The following MAGI1 variants were observed in gnomAD, a reference collection of about 807,000 sequenced individuals.
MAGI1 encodes the protein membrane-associated guanylate kinase, WW and PDZ domain-containing protein 1.
MAGI1 carries 58 observed loss-of-function variants against 139.9 expected under a neutral mutation model. The observed-to-expected ratio is 0.41, with a 90% CI of 0.34 to 0.52. The LOEUF (loss-of-function observed/expected upper bound fraction) is 0.52, where lower values mean the gene tolerates loss of function less well. MAGI1 is among the 20% of genes least tolerant of loss of function. The probability of loss-of-function intolerance (pLI) is 0.12; values close to 1 mark genes in which losing one functional copy is unlikely to be tolerated. For missense variants in MAGI1, 1,874 were observed against 1,901.6 expected, an observed-to-expected ratio of 0.99 and a Z score of 0.27; for synonymous variants, 812 against 737.9, an observed-to-expected ratio of 1.10 and a Z score of -1.63.
intron 1 of MAGI1, among the ~76,000 whole-genome samples, chr3:65,664,020 AT>A (rs1449868205): frequency 6.6e-6 from 1 of 152,198 alleles, no homozygotes; most frequent in East Asian, 1.9e-4. Flanking sequence ...AAGAAATAAT[AT>A]GTTCATTATG....
intron 1 of MAGI1, among the ~76,000 whole-genome samples, chr3:65,680,695 G>T (rs2087523956): frequency 6.6e-6 from 1 of 152,110 alleles, no homozygotes; most frequent in Non-Finnish European, 1.5e-5. Context: ...TGCTAGGATT[G>T]CAGGAGTGAG....
intron 14 of MAGI1, among the ~76,000 whole-genome samples, chr3:65,384,340 G>A (rs929300064): frequency 1.5e-4 from 23 of 152,266 alleles, no homozygotes; most frequent in East Asian, 3.9e-4. Context: ...TGATGAATAC[G>A]TACAGATTTT....
intron 2 of MAGI1, among the ~76,000 whole-genome samples, chr3:65,536,449 T>G (rs2078961526): frequency 6.6e-6 from 1 of 152,172 alleles, no homozygotes; most frequent in Admixed American, 6.5e-5. Context: ...TAATGAGCAT[T>G]CTGGCTGGCT....
chr3:65,783,191 A>T (rs1048418794), intron 1 of MAGI1, among the ~76,000 whole-genome samples: 1 of 152,172 alleles, frequency 6.6e-6, no homozygotes, highest in African/African-American at 2.4e-5. Context: ...TTCAACAACA[A>T]AAAGAAAGAA....
intron 2 of MAGI1, among the ~76,000 whole-genome samples, chr3:65,530,441 C>A (rs2078590290): frequency 1.3e-5 from 2 of 151,642 alleles, no homozygotes; most frequent in Non-Finnish European, 2.9e-5. Context: ...TAATGAGACC[C>A]CGTCTCTACA....
At chr3:65,426,298 G>A (rs1023253337) in intron 12 of MAGI1, among the ~76,000 whole-genome samples, 27 of 152,276 alleles carry the variant, frequency 1.8e-4, no homozygotes, top group African/African-American at 5.3e-4. Flanking sequence ...CCTTCAGCTC[G>A]ATTTCCAGAT....
intron 2 of MAGI1, among the ~76,000 whole-genome samples, chr3:65,554,978 A>C (rs1359719189): frequency 6.6e-6 from 1 of 152,186 alleles, no homozygotes; most frequent in African/African-American, 2.4e-5. Context: ...AGTACTGTAC[A>C]TGTTAATAGT....
At chr3:65,391,523 C>G (rs1049649749) in intron 13 of MAGI1, among the ~76,000 whole-genome samples, 165 bp from the exon 14 acceptor site, 4 of 152,114 alleles carry the variant, frequency 2.6e-5, no homozygotes, top group African/African-American at 9.7e-5. Flanking sequence ...GTAGATAAAT[C>G]CCCAGGTGAC....
intron 2 of MAGI1, among the ~76,000 whole-genome samples, chr3:65,580,497 A>G (rs1349227513): frequency 6.6e-6 from 1 of 152,228 alleles, no homozygotes; most frequent in Admixed American, 6.5e-5. Flanking sequence ...CAACTTTTGC[A>G]GAATAAAAAG....
rs541461056 is a variant in MAGI1 at position 65,846,991 on chromosome 3, A to C, written c.313+191005T>G. 1.7e-3 allele frequency among the ~76,000 whole-genome samples: 258 copies of C among 151,424 alleles called. 1 individual carries two copies. The highest frequency in any genetic ancestry group is 3.0e-3 in the Non-Finnish European group (203 of 67,840). On this transcript the variant is annotated intron_variant, in intron 1 of 22. Transcript: ENST00000402939. Reference sequence around the variant, plus strand: ...CAATGTCTTACAAAAAAAAAAAAAAAAAAAACCCTAAGCACATTTGTTTAT... The same window carrying C: ...CAATGTCTTACAAAAAAAAAAAAAACAAAAACCCTAAGCACATTTGTTTAT...
chr3:65,564,438 CAA>C (rs1287581018), intron 2 of MAGI1, among the ~76,000 whole-genome samples: 2 of 151,938 alleles, frequency 1.3e-5, no homozygotes, highest in African/African-American at 4.8e-5. Flanking sequence ...CTAGCCAAGG[CAA>C]AGAGACAATG....
intron 1 of MAGI1, among the ~76,000 whole-genome samples, chr3:65,935,780 C>T (rs2063022107): frequency 6.6e-6 from 1 of 152,204 alleles, no homozygotes; most frequent in African/African-American, 2.4e-5. Flanking sequence ...TTTTGAAATG[C>T]TGCCCTGAAA....
chr3:65,851,610 G>A (rs562995249), intron 1 of MAGI1, among the ~76,000 whole-genome samples: 15 of 152,120 alleles, frequency 9.9e-5, no homozygotes, highest in South Asian at 2.1e-4. Context: ...TTAGCCAGGC[G>A]TGGTGGCATA....
intron 2 of MAGI1, among the ~76,000 whole-genome samples, chr3:65,552,256 A>AGG (rs1314105075): frequency 1.1e-4 from 13 of 113,274 alleles, no homozygotes; most frequent in Admixed American, 4.0e-4. Flanking sequence ...GAGTGTGTAT[A>AGG]GGGGTGTGTG....
intron 1 of MAGI1, among the ~76,000 whole-genome samples, chr3:65,956,933 G>C (rs1221198963): frequency 1.3e-5 from 2 of 152,018 alleles, no homozygotes; most frequent in African/African-American, 4.8e-5. Context: ...ACCGTGGAGG[G>C]AGAAGCTGCA....
chr3:65,796,005 C>T (rs1315429406), intron 1 of MAGI1, among the ~76,000 whole-genome samples: 2 of 145,272 alleles, frequency 1.4e-5, no homozygotes, highest in African/African-American at 2.6e-5. Context: ...GAGCAGAGAT[C>T]GTGCCACTGC....
At position 65,442,805 on chromosome 3, in the gene MAGI1, T is replaced by C. The variant is rs141859891; in HGVS notation, c.1123A>G (p.Ile375Val). ...WEKIEDPVYG[I>V]YYVDHINRKT... is the part of the protein sequence containing the mutation. ...ATGGGCACTTACTCTACATAGTAGA[T>C]ACCATAGACAGGGTCTTCAATCTTT... is the stretch of plus-strand genomic sequence containing the variant. Residue 375 changes from isoleucine to valine, a missense_variant, in exon 8 of 23, where the codon ATC (isoleucine) becomes GTC (valine). Physicochemically the swap from Ile to Val is conservative, Grantham distance 29. Transcript: ENST00000402939. The C allele has an allele frequency of 2.3e-4, 370 of 1,612,788 alleles. 1 individual carries two copies. The Middle Eastern group carries it at 9.9e-3, about 43-fold the overall frequency.
chr3:65,512,314 A>ACTGAAGG (rs1452127582), intron 2 of MAGI1, among the ~76,000 whole-genome samples: 1 of 140,274 alleles, frequency 7.1e-6, no homozygotes, highest in Admixed American at 7.4e-5. Context: ...TCAGAGCAGA[A>ACTGAAGG]CTGAAGGAAA....
chr3:65,565,672 C>T (rs1385731019), intron 2 of MAGI1, among the ~76,000 whole-genome samples: 2 of 151,338 alleles, frequency 1.3e-5, no homozygotes, highest in Admixed American at 1.3e-4. Context: ...GCCTGGTCAA[C>T]ATGGTGAAAC....
Sources: gnomAD v4.1 joint callset for allele counts (sites outside exome capture counted in the v4.1 genomes callset) on GRCh38, gnomAD v4.1.1 for gene constraint, MANE v1.5 for transcripts, NCBI Gene and HGNC (gene_info 2026-07-23, HGNC 2026-07-21) for gene names.